Variants in TMEM200A observed in about 807,000 individuals in gnomAD.
TMEM200A encodes transmembrane protein 200A.
Under a neutral mutation model 24.3 loss-of-function variants are expected in TMEM200A, and 12 were observed. That is an observed-to-expected ratio of 0.49 (90% confidence interval 0.32 to 0.80). The LOEUF (loss-of-function observed/expected upper bound fraction) is 0.80, where lower values mean the gene tolerates loss of function less well. TMEM200A is among the 30% of genes least tolerant of loss of function. The pLI is 0.04. For synonymous variants in TMEM200A, 224 were observed against 224.4 expected, an observed-to-expected ratio of 1.00 and a Z score of 0.02; for missense variants, 545 against 614.4, an observed-to-expected ratio of 0.89 and a Z score of 1.19.
At chr6:130,386,145 G>A (rs1460834327) in intron 2 of TMEM200A, among the ~76,000 whole-genome samples, 2 of 152,130 alleles carry the variant, frequency 1.3e-5, no homozygotes, top group Admixed American at 1.3e-4. Flanking sequence ...CATTCTCTGA[G>A]TAATCACAGC....
chr6:130,376,912 C>A (rs1276684580), intron 1 of TMEM200A, among the ~76,000 whole-genome samples: 1 of 152,148 alleles, frequency 6.6e-6, no homozygotes, highest in Non-Finnish European at 1.5e-5. Flanking sequence ...CTCAAACTAA[C>A]CTCTATTCAG....
At chr6:130,439,759 A>G (rs1583236822) in intron 2 of TMEM200A, among the ~76,000 whole-genome samples, 1 of 152,262 alleles carries the variant, frequency 6.6e-6, no homozygotes, top group South Asian at 2.1e-4. Context: ...AACATCATAA[A>G]AGACTGGGGA....
chr6:130,382,303 G>A (rs1373830199), intron 1 of TMEM200A, among the ~76,000 whole-genome samples: 1 of 152,086 alleles, frequency 6.6e-6, no homozygotes, highest in Non-Finnish European at 1.5e-5. Context: ...CTTCCCTTTC[G>A]GCTCGCACTT....
rs763311273 is a variant in TMEM200A at position 130,440,728 on chromosome 6, T to C, written c.306T>C (p.Thr102=). 1 of 1,614,016 alleles carries C rather than the reference T, an allele frequency of 6.2e-7. No homozygotes were observed. Among genetic ancestry groups the C allele is most frequent in the African/African-American group, 1.3e-5 (1 of 75,036 alleles). The part of the protein sequence containing the change: ...DAETTLSTNE[T]QVIRNEGGVV... ...AAACAACACTGTCAACAAATGAAACTCAGGTCATTCGGAATGAAGGCGGTG... is the reference window on the plus strand; with the variant it reads ...AAACAACACTGTCAACAAATGAAACCCAGGTCATTCGGAATGAAGGCGGTG... Residue 102 remains threonine (T), a synonymous_variant, in exon 3 of 3, where the codon ACT becomes ACC. Transcript: ENST00000296978.
At chr6:130,401,908 AT>A (rs1400138443) in intron 2 of TMEM200A, among the ~76,000 whole-genome samples, 1 of 150,808 alleles carries the variant, frequency 6.6e-6, no homozygotes, top group East Asian at 1.9e-4. Context: ...CTATTTTTCC[AT>A]TTTTCTTAAA....
chr6:130,371,190 C>T (rs1427997426), intron 1 of TMEM200A, among the ~76,000 whole-genome samples: 5 of 151,998 alleles, frequency 3.3e-5, no homozygotes, highest in East Asian at 1.9e-4. Context: ...AATGGCTATG[C>T]GTGGTAGATA....
intron 2 of TMEM200A, among the ~76,000 whole-genome samples, chr6:130,389,962 C>T (rs7773062): frequency 0.055 from 8,418 of 152,152 alleles, 771 homozygotes; most frequent in African/African-American, 0.19. Context: ...ATACTGATAA[C>T]GAAGAGTTAC....
At chr6:130,405,099 C>T (rs1303463996) in intron 2 of TMEM200A, among the ~76,000 whole-genome samples, 2 of 152,152 alleles carry the variant, frequency 1.3e-5, no homozygotes, top group African/African-American at 4.8e-5. Context: ...ATGACGCCTC[C>T]AGCTTTGCTC....
intron 2 of TMEM200A, among the ~76,000 whole-genome samples, chr6:130,389,871 G>A (rs1778795081): frequency 6.6e-6 from 1 of 152,068 alleles, no homozygotes; most frequent in Non-Finnish European, 1.5e-5. Context: ...GGCTTCCATT[G>A]TTAAAGTTCT....
At chr6:130,392,894 C>T (rs1778867394) in intron 2 of TMEM200A, among the ~76,000 whole-genome samples, 1 of 152,202 alleles carries the variant, frequency 6.6e-6, no homozygotes, top group Admixed American at 6.5e-5. Flanking sequence ...TTTTTGACAT[C>T]TCATTCATTT....
At chr6:130,413,070 C>T (rs1286652640) in intron 2 of TMEM200A, among the ~76,000 whole-genome samples, 1 of 152,118 alleles carries the variant, frequency 6.6e-6, no homozygotes, top group African/African-American at 2.4e-5. Context: ...ATGATGGAAA[C>T]TTCAGAATCA....
At chr6:130,423,415 C>T (rs1027808118) in intron 2 of TMEM200A, among the ~76,000 whole-genome samples, 1 of 152,120 alleles carries the variant, frequency 6.6e-6, no homozygotes, top group African/African-American at 2.4e-5. Context: ...TGATTTCTTA[C>T]ATTTAAATGA....
rs372935391 is a variant in TMEM200A at position 130,441,693 on chromosome 6, G to A, written c.1271G>A (p.Arg424Gln). Reference protein sequence around the residue: ...RKHPSWPRLDRNNSKGYMKLE... With the variant: ...RKHPSWPRLDQNNSKGYMKLE... ...CATCCAAGTTGGCCTAGGTTGGATC[G>A]GAACAACAGCAAGGGATATATGAAA... Residue 424 changes from arginine to glutamine, a missense_variant, in exon 3 of 3, where the codon CGG becomes CAG. Transcript: ENST00000296978. 1.2e-5 allele frequency: 20 copies of A among 1,613,900 alleles called. No homozygotes were observed. Among genetic ancestry groups the A allele is most frequent in the East Asian group, 6.7e-5 (3 of 44,862 alleles).
At chr6:130,419,999 A>G (rs978395098) in intron 2 of TMEM200A, among the ~76,000 whole-genome samples, 11 of 152,116 alleles carry the variant, frequency 7.2e-5, no homozygotes, top group African/African-American at 2.2e-4. Flanking sequence ...TGAAGGCTAT[A>G]TGAAGCTTCT....
intron 2 of TMEM200A, among the ~76,000 whole-genome samples, chr6:130,412,319 TG>T: frequency 6.6e-6 from 1 of 152,196 alleles, no homozygotes; most frequent in Admixed American, 6.5e-5. Context: ...CTCTCATCCC[TG>T]CAGCCCTTGC....
chr6:130,412,981 A>G (rs1327466505), intron 2 of TMEM200A, among the ~76,000 whole-genome samples: 2 of 152,232 alleles, frequency 1.3e-5, no homozygotes, highest in Admixed American at 6.5e-5. Context: ...TTTATAACAT[A>G]TCTTCTGTAA....
chr6:130,380,290 G>A (rs1316621589), intron 1 of TMEM200A, among the ~76,000 whole-genome samples: 3 of 152,150 alleles, frequency 2.0e-5, no homozygotes, highest in African/African-American at 2.4e-5. Context: ...TAATCTTACT[G>A]TCAACTCCAT....
chr6:130,403,643 AT>A (rs35695001), intron 2 of TMEM200A, among the ~76,000 whole-genome samples: 4 of 150,662 alleles, frequency 2.7e-5, no homozygotes, highest in South Asian at 2.1e-4. Context: ...TCATTTTGCT[AT>A]TTTTTTTTCA....
intron 2 of TMEM200A, among the ~76,000 whole-genome samples, chr6:130,431,849 G>A (rs1223112178): frequency 6.7e-6 from 1 of 150,278 alleles, no homozygotes; most frequent in Admixed American, 6.6e-5. Context: ...GGGCAGTCTC[G>A]TCTCTATTCC....
Sources: gnomAD v4.1 joint callset for allele counts (sites outside exome capture counted in the v4.1 genomes callset) on GRCh38, gnomAD v4.1.1 for gene constraint, MANE v1.5 for transcripts, NCBI Gene and HGNC (gene_info 2026-07-23, HGNC 2026-07-21) for gene names.